The following SDK1 variants were observed in gnomAD, a reference collection of about 807,000 sequenced individuals.
SDK1 encodes the protein protein sidekick-1.
In SDK1, 157 loss-of-function variants were observed where a neutral mutation model predicts 245.5. The ratio of observed to expected loss-of-function variants is 0.64; its 90% CI spans 0.56 to 0.73. The LOEUF (loss-of-function observed/expected upper bound fraction) is 0.73, where lower values mean the gene tolerates loss of function less well. Among genes scored for constraint, SDK1 ranks in the 30% least tolerant of loss-of-function variants. The probability of loss-of-function intolerance (pLI) is 0.00; values close to 1 mark genes in which losing one functional copy is unlikely to be tolerated. For missense variants in SDK1, 3,583 were observed against 3,002.3 expected (o/e 1.19, Z -4.52); for synonymous variants, 1,647 against 1,278.5 (o/e 1.29, Z -6.15).
intron 36 of SDK1, among the ~76,000 whole-genome samples, chr7:4,207,533 C>G (rs540219808): frequency 6.6e-6 from 1 of 152,300 alleles, no homozygotes; most frequent in Admixed American, 6.5e-5. Context: ...GTTCTCCTGC[C>G]TGTTGTTTTT....
chr7:3,829,447 A>G (rs1191840155), intron 5 of SDK1, among the ~76,000 whole-genome samples: 1 of 152,150 alleles, frequency 6.6e-6, no homozygotes, highest in Non-Finnish European at 1.5e-5. Context: ...CTGTGAGTTA[A>G]CAATCAACTC....
intron 20 of SDK1, among the ~76,000 whole-genome samples, chr7:4,074,407 C>A (rs1195310429): frequency 2.0e-5 from 3 of 152,138 alleles, no homozygotes; most frequent in Non-Finnish European, 4.4e-5. Context: ...CCAGCAAGTC[C>A]ACGAAGCTTT....
chr7:3,536,533 A>C (rs933813362), intron 1 of SDK1, among the ~76,000 whole-genome samples: 4 of 151,770 alleles, frequency 2.6e-5, no homozygotes, highest in African/African-American at 7.3e-5. Context: ...AAACAAAAAA[A>C]CCCCACAAAA....
intron 13 of SDK1, among the ~76,000 whole-genome samples, chr7:3,975,972 G>GCTTTTGTGTACGCATGGGGCAGCC (rs1562604918): frequency 2.7e-5 from 3 of 111,900 alleles, no homozygotes; most frequent in African/African-American, 1.0e-4. Context: ...GGGTCCTCCA[G>GCTTTTGTGTACGCATGGGGCAGCC]AGAATCACTG....
At chr7:3,886,994 A>T (rs1781353510) in intron 5 of SDK1, among the ~76,000 whole-genome samples, 1 of 152,216 alleles carries the variant, frequency 6.6e-6, no homozygotes, top group Non-Finnish European at 1.5e-5. Context: ...AAGAGAAACC[A>T]ATGAGGCTAC....
intron 1 of SDK1, among the ~76,000 whole-genome samples, chr7:3,536,983 A>T (rs375088012): frequency 5.9e-5 from 9 of 152,012 alleles, no homozygotes; most frequent in African/African-American, 7.3e-5. Context: ...CAATCTCTCT[A>T]TTTTTTTAAT....
intron 20 of SDK1, among the ~76,000 whole-genome samples, chr7:4,068,222 G>A (rs1241604196): frequency 1.3e-5 from 2 of 152,210 alleles, no homozygotes; most frequent in Non-Finnish European, 2.9e-5. Flanking sequence ...ACCAATGAGA[G>A]TCAGTCATGT....
At chr7:3,860,065 G>A (rs1780653398) in intron 5 of SDK1, among the ~76,000 whole-genome samples, 1 of 151,682 alleles carries the variant, frequency 6.6e-6, no homozygotes, top group African/African-American at 2.4e-5. Context: ...GACTACAGGT[G>A]CCTGCCACCA....
At chr7:3,940,549 A>C (rs1386696151) in intron 5 of SDK1, among the ~76,000 whole-genome samples, 1 of 152,090 alleles carries the variant, frequency 6.6e-6, no homozygotes, top group Non-Finnish European at 1.5e-5. Flanking sequence ...CTCCTCTTTA[A>C]AGGTCAGTGC....
At chr7:3,593,441 G>C (rs1780952243) in intron 1 of SDK1, among the ~76,000 whole-genome samples, 1 of 152,176 alleles carries the variant, frequency 6.6e-6, no homozygotes, top group Admixed American at 6.5e-5. Context: ...AAAGACCTTG[G>C]TGGTTTGGAA....
chr7:4,235,612 T>A (rs555656939), intron 41 of SDK1, among the ~76,000 whole-genome samples: 11 of 152,328 alleles, frequency 7.2e-5, no homozygotes, highest in African/African-American at 2.2e-4. Flanking sequence ...GATCCAAGAT[T>A]TACTGCCTGA....
intron 1 of SDK1, among the ~76,000 whole-genome samples, chr7:3,533,442 C>T (rs775227304): frequency 6.6e-6 from 1 of 152,100 alleles, no homozygotes; most frequent in Non-Finnish European, 1.5e-5. Flanking sequence ...GATAGTGCCA[C>T]CAAAATAAAT....
intron 33 of SDK1, 141 bp from the exon 34 acceptor site, chr7:4,175,634 C>T: frequency 1.3e-6 from 1 of 747,214 alleles, no homozygotes; most frequent in Non-Finnish European, 2.4e-6. Flanking sequence ...GTAGCGGGGT[C>T]TTTATTGCCC....
At chr7:3,829,711 C>A (rs879739208) in intron 5 of SDK1, among the ~76,000 whole-genome samples, 1 of 152,176 alleles carries the variant, frequency 6.6e-6, no homozygotes, top group Non-Finnish European at 1.5e-5. Context: ...GGAAGGCTCT[C>A]TGCGAAGAGC....
intron 5 of SDK1, among the ~76,000 whole-genome samples, chr7:3,845,404 C>T (rs575176851): frequency 6.1e-5 from 9 of 146,996 alleles, no homozygotes; most frequent in African/African-American, 1.3e-4. Context: ...GCAGGAGAAT[C>T]GCTTGAACCC....
At chr7:4,085,921 C>T (rs979722168) in intron 22 of SDK1, among the ~76,000 whole-genome samples, 3 of 152,150 alleles carry the variant, frequency 2.0e-5, no homozygotes, top group Admixed American at 1.3e-4. Context: ...CTCATTTACA[C>T]GATCTCAAAG....
chr7:3,880,751 A>G (rs1257260751), intron 5 of SDK1, among the ~76,000 whole-genome samples: 1 of 151,984 alleles, frequency 6.6e-6, no homozygotes, highest in Non-Finnish European at 1.5e-5. Flanking sequence ...AAGACAAACC[A>G]GACGGGCTGA....
rs531186789 is a variant in SDK1, at chr7:4,265,789, C to G, written c.*405C>G. 788 of 1,009,328 alleles carry G rather than the reference C, an allele frequency of 7.8e-4. 7 individuals carry two copies. The African/African-American group carries it at 0.013, about 17-fold the overall frequency. 62.5% of individuals were successfully genotyped at this position (1,009,328 alleles called of 1,614,324 possible). Reference sequence around the variant, plus strand: ...TCTCAGAGCTGCCCCGGCCGGCCCCCGTCTCTTTCTACCTCCTCTTCCAGA... The same window carrying G: ...TCTCAGAGCTGCCCCGGCCGGCCCCGGTCTCTTTCTACCTCCTCTTCCAGA... On this transcript the variant is annotated 3_prime_UTR_variant, in exon 45 of 45. Coordinates refer to ENST00000404826, the MANE Select transcript of SDK1 (RefSeq NM_152744.4).
At chr7:3,479,055 C>G (rs1281318629) in intron 1 of SDK1, among the ~76,000 whole-genome samples, 2 of 152,094 alleles carry the variant, frequency 1.3e-5, no homozygotes, top group African/African-American at 4.8e-5. Flanking sequence ...TTGTTTAGAA[C>G]TTGTTGAGAC....
Sources: gnomAD v4.1 joint callset for allele counts (sites outside exome capture counted in the v4.1 genomes callset) on GRCh38, gnomAD v4.1.1 for gene constraint, MANE v1.5 for transcripts, NCBI Gene and HGNC (gene_info 2026-07-23, HGNC 2026-07-21) for gene names.